Variants in CDH23 observed in about 807,000 individuals in gnomAD.
CDH23 encodes the protein cadherin-23.
In CDH23, 189 loss-of-function variants were observed where a neutral mutation model predicts 317.1. That is an observed-to-expected ratio of 0.60 (90% CI 0.53 to 0.67). CDH23 has a LOEUF of 0.67. CDH23 is among the 30% of genes least tolerant of loss of function. CDH23 has a pLI of 0.00. For synonymous variants in CDH23, 1,839 were observed against 1,876.8 expected (o/e 0.98, Z 0.52); for missense variants, 4,401 against 4,592.4 (o/e 0.96, Z 1.20).
rs886047141 is a variant in CDH23 at position 71,803,268 on chromosome 10, T to C, written c.7720T>C (p.Tyr2574His). Residue 2574 changes from tyrosine (Y) to histidine (H), a missense_variant, in exon 55 of 70, where the codon TAC (tyrosine) becomes CAC (histidine). By Grantham distance (83) the Tyr-to-His change is moderately conservative. Transcript: ENST00000224721. ...GACCACACAGCGGCCACTGCAGTCCTACGAGAAGTTCAGTCTGACCGTGGT... is the reference window on the plus strand; with the variant it reads ...GACCACACAGCGGCCACTGCAGTCCCACGAGAAGTTCAGTCTGACCGTGGT... ...LVTTQRPLQS[Y>H]EKFSLTVVAT... 1.2e-5 allele frequency: 19 copies of C among 1,593,420 alleles called. No individual in the cohort carries two copies. Among genetic ancestry groups the C allele is most frequent in the Non-Finnish European group, 1.5e-5 (18 of 1,169,554 alleles).
chr10:71,680,039 AAGCTGCTG>A (rs1472858901), intron 17 of CDH23, among the ~76,000 whole-genome samples: 1 of 152,216 alleles, frequency 6.6e-6, no homozygotes, highest in African/African-American at 2.4e-5. Context: ...TCACCCTGCA[AAGCTGCTG>A]AGCTTGGCAC....
intron 31 of CDH23, among the ~76,000 whole-genome samples, 167 bp downstream of exon 31, chr10:71,730,771 T>A (rs954337016): frequency 2.0e-5 from 3 of 152,218 alleles, no homozygotes; most frequent in Non-Finnish European, 4.4e-5. Flanking sequence ...TTCCCACCAG[T>A]GGCCCCAGCC....
rs397517341 is a variant in CDH23 at position 71,785,101 on chromosome 10, G to A, written c.5712+1G>A. 1.2e-6 allele frequency: 2 copies of A among 1,613,002 alleles called. No homozygotes were observed. The highest frequency in any genetic ancestry group is 1.7e-6 in the Non-Finnish European group (2 of 1,179,028). The stretch of plus-strand genomic sequence containing the variant: ...GCGGGCCTTCTTCATCAATGCCACG[G>A]TAGGGCCTAGACTGACCCCAGGGAG... On this transcript the variant is annotated splice_donor_variant, in intron 43 of 69. Coordinates refer to ENST00000224721, the MANE Select transcript of CDH23 (RefSeq NM_022124.6). LOFTEE classifies it high-confidence loss of function.
At position 71,758,687 on chromosome 10, in the gene CDH23, C is replaced by A. The variant is rs1036794068; in HGVS notation, c.4845+16766C>A. 2.6e-5 allele frequency among the ~76,000 whole-genome samples: 4 copies of A among 152,258 alleles called. No individual in the cohort carries two copies. In the East Asian group the frequency reaches 7.8e-4, roughly 30 times the overall value. On this transcript the variant is annotated intron_variant, in intron 38 of 69. Transcript: ENST00000224721. The stretch of plus-strand genomic sequence containing the variant: ...GCATACATCTCTAGGCCTCTCTTTC[C>A]ATGGATACAGAGAAGATGGTGATGC...
Position 71,408,369 on chromosome 10 carries a change from A to AAG in CDH23, c.-6+11069_-6+11070dup, listed in dbSNP as rs111771075. ...ATTCAGGATGTGTGTGTGTTAGAAG[A>AAG]AGAGAGAGAGAGAGAGAGAAAGAGA... On this transcript the variant is annotated intron_variant, in intron 1 of 69. Coordinates refer to ENST00000224721, the MANE Select transcript of CDH23 (RefSeq NM_022124.6). 1.9e-3 allele frequency among the ~76,000 whole-genome samples: 286 copies of AAG among 150,142 alleles called. 1 individual carries two copies. Among genetic ancestry groups the AAG allele is most frequent in the African/African-American group, 5.2e-3 (214 of 40,912 alleles).
At chr10:71,695,386 T>C (rs774664191) in intron 21 of CDH23, 32 bp from the exon 22 acceptor site, 1 of 1,468,054 alleles carries the variant, frequency 6.8e-7, no homozygotes, top group Non-Finnish European at 9.6e-7. Flanking sequence ...CTCAGCTGGG[T>C]GTGTCTCCCA....
intron 37 of CDH23, 72 bp downstream of exon 37, chr10:71,741,022 CCT>C: frequency 6.3e-7 from 1 of 1,576,330 alleles, no homozygotes; most frequent in Non-Finnish European, 8.7e-7. Flanking sequence ...CCATGCAGCC[CCT>C]GTTTAAATGT....
intron 14 of CDH23, among the ~76,000 whole-genome samples, chr10:71,673,413 C>T (rs1167490702): frequency 1.3e-5 from 2 of 152,240 alleles, no homozygotes; most frequent in Non-Finnish European, 2.9e-5. Flanking sequence ...CAAGACCATG[C>T]ATTGATGACC....
chr10:71,486,017 G>A (rs973492200), intron 3 of CDH23, among the ~76,000 whole-genome samples: 4 of 152,122 alleles, frequency 2.6e-5, no homozygotes, highest in Admixed American at 6.5e-5. Context: ...AGAAGACAGA[G>A]TTTATGTAGA....
intron 3 of CDH23, among the ~76,000 whole-genome samples, chr10:71,456,520 C>A (rs1850705247): frequency 7.0e-6 from 1 of 142,610 alleles, no homozygotes; most frequent in Non-Finnish European, 1.5e-5. Flanking sequence ...TGCCCCTCAA[C>A]ACACAGGTGT....
At chr10:71,494,299 T>C (rs1852832517) in intron 3 of CDH23, among the ~76,000 whole-genome samples, 1 of 152,194 alleles carries the variant, frequency 6.6e-6, no homozygotes, top group South Asian at 2.1e-4. Context: ...TCAAAGGCCT[T>C]TGGGGCTAAT....
chr10:71,611,938 A>G (rs1363901779), intron 9 of CDH23, among the ~76,000 whole-genome samples: 1 of 152,196 alleles, frequency 6.6e-6, no homozygotes, highest in Non-Finnish European at 1.5e-5. Context: ...AGTGAATTAA[A>G]AAAACCAATG....
chr10:71,773,765 A>G (rs76878994), intron 38 of CDH23, among the ~76,000 whole-genome samples: 5,585 of 152,148 alleles, frequency 0.037, 171 homozygotes, highest in Non-Finnish European at 0.057. Context: ...AGAAATTATT[A>G]TTGCTGCGCA....
In CDH23 at chr10:71,784,348, C is replaced by T. The variant is rs747178699; in HGVS notation, c.5430C>T (p.Asp1810=). 1 of 1,613,938 alleles carries T rather than the reference C, an allele frequency of 6.2e-7. No individual in the cohort carries two copies. The highest frequency in any genetic ancestry group is 1.1e-5 in the South Asian group (1 of 91,084). Residue 1810 remains aspartate, a synonymous_variant, in exon 42 of 70, where the codon GAC becomes GAT. Coordinates refer to ENST00000224721, the MANE Select transcript of CDH23 (RefSeq NM_022124.6). ...VLRVRKDVEL[D]RETIAFYNLT... is the part of the protein sequence containing the mutation. The stretch of plus-strand genomic sequence containing the variant: ...GGGTCCGGAAGGACGTGGAGCTGGA[C>T]CGGGAGACCATCGCCTTCTACAACC...
intron 1 of CDH23, among the ~76,000 whole-genome samples, chr10:71,401,081 A>G (rs1197537853): frequency 1.3e-5 from 2 of 152,170 alleles, no homozygotes; most frequent in Non-Finnish European, 2.9e-5. Flanking sequence ...CCTACTGGAT[A>G]GGTTATTTCA....
At chr10:71,814,678 C>T (rs1842061330) in intron 69 of CDH23, among the ~76,000 whole-genome samples, 1 of 44,294 alleles carries the variant, frequency 2.3e-5, no homozygotes, top group Admixed American at 1.7e-4. Context: ...CACAAGAAGC[C>T]GATACACACA....
At chr10:71,720,321 G>C (rs778094810) in intron 28 of CDH23, among the ~76,000 whole-genome samples, 5 of 152,100 alleles carry the variant, frequency 3.3e-5, no homozygotes, top group Admixed American at 6.5e-5. Context: ...AGGTCAGGGG[G>C]ATCCCAGGGC....
intron 62 of CDH23, 56 bp from the exon 63 acceptor site, chr10:71,811,259 G>T: frequency 6.2e-7 from 1 of 1,612,816 alleles, no homozygotes; most frequent in Non-Finnish European, 8.5e-7. Context: ...AGAGCAGACT[G>T]TCGGTGGTGG....
intron 3 of CDH23, among the ~76,000 whole-genome samples, chr10:71,492,461 G>C (rs1027660493): frequency 2.0e-5 from 3 of 152,134 alleles, no homozygotes; most frequent in Non-Finnish European, 4.4e-5. Flanking sequence ...GTCAGGCATT[G>C]GGAAAACTGA....
Sources: gnomAD v4.1 joint callset for allele counts (sites outside exome capture counted in the v4.1 genomes callset) on GRCh38, gnomAD v4.1.1 for gene constraint, MANE v1.5 for transcripts, NCBI Gene and HGNC (gene_info 2026-07-23, HGNC 2026-07-21) for gene names.